Variants in SASH1 observed in about 807,000 individuals in gnomAD.
SASH1 encodes the protein SAM and SH3 domain containing 1, also known as SAM and SH3 domain-containing protein 1.
SASH1 carries 44 observed loss-of-function variants against 125.2 expected under a neutral mutation model. The ratio of observed to expected loss-of-function variants is 0.35; its 90% CI spans 0.28 to 0.45. The LOEUF (loss-of-function observed/expected upper bound fraction) is 0.45, where lower values mean the gene tolerates loss of function less well. SASH1 is among the 20% of genes least tolerant of loss of function. The pLI is 1.00. For synonymous variants in SASH1, 639 were observed against 649.1 expected (o/e 0.98, Z 0.24); for missense variants, 1,426 against 1,614.5 (o/e 0.88, Z 2.00).
In SASH1 at chr6:148,487,633, A is replaced by G. The variant is rs897418093; in HGVS notation, c.647A>G (p.Gln216Arg). Residue 216 changes from glutamine (Q) to arginine (R), a missense_variant, in exon 8 of 20, where the codon CAG (glutamine) becomes CGG (arginine). Physicochemically the swap from Gln to Arg is conservative, Grantham distance 43. Coordinates refer to ENST00000367467, the MANE Select transcript of SASH1 (RefSeq NM_015278.5). ...TTACAGCTCAAGGAATACGAGGCCC[A>G]GCACCGGCAGTCGGCTGCCCTGGAC... is the stretch of plus-strand genomic sequence containing the variant. ...ALARLKEYEAQHRQSAALDPA... is the reference protein window; with the variant it reads ...ALARLKEYEARHRQSAALDPA... The G allele has an allele frequency of 6.2e-7, 1 of 1,613,534 alleles. No homozygotes were observed.
At chr6:148,468,030 G>T (rs1777926680) in intron 4 of SASH1, among the ~76,000 whole-genome samples, 1 of 152,198 alleles carries the variant, frequency 6.6e-6, no homozygotes, top group African/African-American at 2.4e-5. Flanking sequence ...CCAACTGGAG[G>T]AACTGTGTAC....
chr6:148,519,071 T>C lies in SASH1; in HGVS notation c.863-476T>C, dbSNP rs995487517. On this transcript the variant is annotated intron_variant, in intron 9 of 19. Coordinates refer to ENST00000367467, the MANE Select transcript of SASH1 (RefSeq NM_015278.5). The surrounding 1 kb of genome is among the most constrained non-coding windows in gnomAD (Gnocchi z 4.8). ...TTCCTTGGAGATTTAGTCACTCAAA[T>C]GGCATATGTACCAATAAAACAATCA... Among the ~76,000 whole-genome samples, 1 of 152,190 alleles carries C rather than the reference T, an allele frequency of 6.6e-6. No homozygotes were observed. Among genetic ancestry groups the C allele is most frequent in the African/African-American group, 2.4e-5 (1 of 41,452 alleles).
At chr6:148,477,958 A>G (rs1285637285) in intron 7 of SASH1, among the ~76,000 whole-genome samples, 2 of 152,032 alleles carry the variant, frequency 1.3e-5, no homozygotes, top group East Asian at 1.9e-4. Flanking sequence ...CGGCCTCCCA[A>G]AGTGTTGTGA....
chr6:148,379,507 C>G (rs1783047974), intron 1 of SASH1, among the ~76,000 whole-genome samples: 1 of 152,092 alleles, frequency 6.6e-6, no homozygotes, highest in Non-Finnish European at 1.5e-5. Context: ...TATAAAAATG[C>G]TGGTTTAGCG....
At chr6:148,468,511 C>T in intron 4 of SASH1, 34 bp from the exon 5 acceptor site, 1 of 1,565,846 alleles carries the variant, frequency 6.4e-7, no homozygotes, top group Admixed American at 1.7e-5. Context: ...GAAAGCAAGG[C>T]TCTCTGGTAA....
At chr6:148,334,623 C>T (rs1300810719) in intron 1 of SASH1, among the ~76,000 whole-genome samples, 1 of 151,440 alleles carries the variant, frequency 6.6e-6, no homozygotes, top group South Asian at 2.1e-4. Context: ...ACCAGCCTGG[C>T]CAACATGGTG....
intron 1 of SASH1, among the ~76,000 whole-genome samples, chr6:148,272,687 G>T (rs891542590): frequency 2.6e-5 from 4 of 152,084 alleles, no homozygotes; most frequent in Non-Finnish European, 5.9e-5. Flanking sequence ...GCCAAGAAAA[G>T]TTTTTCCTGT....
intron 1 of SASH1, among the ~76,000 whole-genome samples, chr6:148,311,110 CT>C (rs397951692): frequency 2.1e-4 from 17 of 79,828 alleles, no homozygotes; most frequent in Admixed American, 9.0e-4. Flanking sequence ...TTTTTTCTTT[CT>C]TTTTTTTCCC....
At chr6:148,222,611 A>G in the SASH1 span, among the ~76,000 whole-genome samples, 21 of 152,364 alleles carry the variant, frequency 1.4e-4, no homozygotes, top group Middle Eastern at 3.4e-3. Context: ...TACGGTTATG[A>G]CTACATACAT....
At chr6:148,396,478 G>GAAAAAAAAAAAAAAAAAAAAA (rs61277112) in intron 2 of SASH1, among the ~76,000 whole-genome samples, 2 of 63,788 alleles carry the variant, frequency 3.1e-5, no homozygotes, top group Non-Finnish European at 5.5e-5. Flanking sequence ...CTGCATCTCA[G>GAAAAAAAAAAAAAAAAAAAAA]AAAAAAAAAA....
At chr6:148,310,969 G>A (rs562956916) in intron 1 of SASH1, among the ~76,000 whole-genome samples, 1 of 152,226 alleles carries the variant, frequency 6.6e-6, no homozygotes, top group African/African-American at 2.4e-5. Flanking sequence ...TTTTGAGCTA[G>A]GGTCTCATTA....
At chr6:148,391,422 TAAA>T (rs398038813) in intron 2 of SASH1, among the ~76,000 whole-genome samples, 97 of 114,394 alleles carry the variant, frequency 8.5e-4, no homozygotes, top group African/African-American at 2.6e-3. Context: ...GACACTTTTA[TAAA>T]AAAAAAAAAA....
the SASH1 span, among the ~76,000 whole-genome samples, chr6:148,224,587 C>G: frequency 6.6e-6 from 1 of 152,122 alleles, no homozygotes; most frequent in Non-Finnish European, 1.5e-5. Context: ...TCTCAAACTT[C>G]TAGCTTCAAG....
rs1044245630 is a variant in SASH1, at chr6:148,549,723, G to T, written c.*1165G>T. 17 of 396,070 alleles carry T rather than the reference G, an allele frequency of 4.3e-5. No individual in the cohort carries two copies. Among genetic ancestry groups the T allele is most frequent in the African/African-American group, 3.1e-4 (15 of 48,402 alleles). The allele number at this position is 396,070 out of a possible 1,614,324, so 24.5% of individuals were successfully genotyped here. Reference sequence around the variant, plus strand: ...GATAATTCTTTTAATTTAAACAAAGGTTCACTATGGAACCAGACAAATCTC... The same window carrying T: ...GATAATTCTTTTAATTTAAACAAAGTTTCACTATGGAACCAGACAAATCTC... On this transcript the variant is annotated 3_prime_UTR_variant, in exon 20 of 20. Transcript: ENST00000367467.
At chr6:148,393,890 T>G (rs9403953) in intron 2 of SASH1, 2 of 45,194 alleles carry the variant, frequency 4.4e-5, no homozygotes, top group Admixed American at 2.4e-4. Flanking sequence ...CTCTCTCTCT[T>G]TTTTTTTTTT....
chr6:148,472,046 T>A (rs747152715), intron 6 of SASH1, among the ~76,000 whole-genome samples: 4 of 152,244 alleles, frequency 2.6e-5, no homozygotes, highest in Non-Finnish European at 5.9e-5. Context: ...CTTTTGTTGT[T>A]GTTTATATAG....
chr6:148,508,065 G>C (rs751335653), intron 8 of SASH1, among the ~76,000 whole-genome samples: 1 of 152,146 alleles, frequency 6.6e-6, no homozygotes, highest in Non-Finnish European at 1.5e-5. Context: ...TCATGCTCAC[G>C]TTTCTAGAAT....
chr6:148,193,759 T>C, the SASH1 span, among the ~76,000 whole-genome samples: 1 of 152,244 alleles, frequency 6.6e-6, no homozygotes, highest in Non-Finnish European at 1.5e-5. Context: ...AAGTGAAACG[T>C]GCCTTCTACA....
intron 2 of SASH1, among the ~76,000 whole-genome samples, chr6:148,396,508 GAA>G (rs1307687214): frequency 7.6e-6 from 1 of 131,776 alleles, no homozygotes; most frequent in Non-Finnish European, 1.6e-5. Flanking sequence ...AAAAAAGAAA[GAA>G]AGAGAACCAT....
Sources: allele counts gnomAD v4.1 joint callset (sites outside exome capture counted in the v4.1 genomes callset), GRCh38; gene constraint gnomAD v4.1.1; non-coding constraint Gnocchi (gnomAD v3.1); transcripts MANE v1.5; gene names NCBI Gene and HGNC (gene_info 2026-07-23, HGNC 2026-07-21).